Variants in CCSER1 observed in about 807,000 individuals in gnomAD.
The protein encoded by CCSER1 is coiled-coil serine rich protein 1, also known as serine-rich coiled-coil domain-containing protein 1.
CCSER1 carries 41 observed loss-of-function variants against 82.0 expected under a neutral mutation model. The ratio of observed to expected loss-of-function variants is 0.50; its 90% confidence interval spans 0.39 to 0.65. The LOEUF (loss-of-function observed/expected upper bound fraction) is 0.65, where lower values mean the gene tolerates loss of function less well. Ranked by LOEUF, CCSER1 falls within the 30% of genes least tolerant of loss-of-function variation. The pLI is 0.00. For synonymous variants in CCSER1, 414 were observed against 383.9 expected (o/e 1.08, Z -0.92); for missense variants, 1,119 against 1,064.2 (o/e 1.05, Z -0.72).
chr4:91,205,664 C>G (rs961433998), intron 10 of CCSER1, among the ~76,000 whole-genome samples: 2 of 151,348 alleles, frequency 1.3e-5, no homozygotes, highest in African/African-American at 4.8e-5. Flanking sequence ...CTCCCTCCCT[C>G]CCTCCTACCC....
At chr4:90,311,415 G>A (rs751233466) in intron 2 of CCSER1, among the ~76,000 whole-genome samples, 1 of 152,016 alleles carries the variant, frequency 6.6e-6, no homozygotes, top group African/African-American at 2.4e-5. Context: ...CATTAATTTT[G>A]CTGATTTGAT....
chr4:91,386,781 A>T (rs896542448), intron 10 of CCSER1, among the ~76,000 whole-genome samples: 2 of 152,078 alleles, frequency 1.3e-5, no homozygotes, highest in African/African-American at 2.4e-5. Context: ...GCCTTCCCAC[A>T]TATATACATG....
intron 4 of CCSER1, among the ~76,000 whole-genome samples, chr4:90,432,940 G>A (rs943542156): frequency 2.6e-5 from 4 of 151,890 alleles, no homozygotes; most frequent in African/African-American, 7.3e-5. Context: ...CCATCTCCAC[G>A]TTTGGTATGT....
intron 10 of CCSER1, among the ~76,000 whole-genome samples, chr4:91,094,093 A>G (rs1724251791): frequency 6.6e-6 from 1 of 152,162 alleles, no homozygotes; most frequent in African/African-American, 2.4e-5. Flanking sequence ...CCAGGTGTCG[A>G]AGCAGGGCAT....
At chr4:91,396,862 G>C (rs1321490886) in intron 10 of CCSER1, among the ~76,000 whole-genome samples, 2 of 151,982 alleles carry the variant, frequency 1.3e-5, no homozygotes, top group African/African-American at 4.8e-5. Flanking sequence ...GTGGAGACAA[G>C]TTAAAGCCTG....
intron 5 of CCSER1, among the ~76,000 whole-genome samples, chr4:90,585,773 A>G (rs1034646114): frequency 6.6e-6 from 1 of 152,134 alleles, no homozygotes; most frequent in Non-Finnish European, 1.5e-5. Flanking sequence ...TGATATTTCT[A>G]TACTGATATC....
intron 10 of CCSER1, among the ~76,000 whole-genome samples, chr4:91,503,338 T>C (rs1759315672): frequency 6.9e-6 from 1 of 144,292 alleles, no homozygotes; most frequent in Non-Finnish European, 1.5e-5. Context: ...CGATACTCCA[T>C]CTCAAAAAAA....
intron 1 of CCSER1, among the ~76,000 whole-genome samples, chr4:90,238,554 G>C (rs1029596126): frequency 6.6e-6 from 1 of 152,094 alleles, no homozygotes; most frequent in Admixed American, 6.6e-5. Flanking sequence ...ACCCTAAACT[G>C]TTTTCTACTG....
intron 10 of CCSER1, among the ~76,000 whole-genome samples, chr4:91,271,043 T>C (rs2149182569): frequency 6.6e-6 from 1 of 152,274 alleles, no homozygotes. Context: ...ATGAATAAGT[T>C]CTATATCTGG....
chr4:91,560,828 C>G (rs1330593493), intron 10 of CCSER1, among the ~76,000 whole-genome samples: 1 of 151,054 alleles, frequency 6.6e-6, no homozygotes, highest in Non-Finnish European at 1.5e-5. Context: ...CACGTGATAC[C>G]TAATTATAAA....
chr4:90,871,449 T>C (rs1489262692), intron 8 of CCSER1, among the ~76,000 whole-genome samples: 1 of 151,918 alleles, frequency 6.6e-6, no homozygotes, highest in African/African-American at 2.4e-5. Context: ...GCATACTGTT[T>C]AATTTCCATG....
chr4:91,028,201 C>A (rs970331205), intron 9 of CCSER1, among the ~76,000 whole-genome samples: 3 of 151,844 alleles, frequency 2.0e-5, no homozygotes, highest in Admixed American at 2.0e-4. Flanking sequence ...TTAAGATATA[C>A]AATGTATATC....
intron 8 of CCSER1, among the ~76,000 whole-genome samples, chr4:90,917,156 C>T (rs937965522): frequency 3.3e-5 from 5 of 152,154 alleles, no homozygotes; most frequent in African/African-American, 7.2e-5. Flanking sequence ...CCAGCCATCC[C>T]ATTACTGGGT....
At chr4:91,421,002 AG>A (rs1369692134) in intron 10 of CCSER1, among the ~76,000 whole-genome samples, 1 of 152,192 alleles carries the variant, frequency 6.6e-6, no homozygotes, top group Non-Finnish European at 1.5e-5. Flanking sequence ...AATCTAAAAA[AG>A]TCTAACTTAC....
intron 10 of CCSER1, among the ~76,000 whole-genome samples, chr4:91,211,753 G>T (rs557790777): frequency 2.0e-5 from 3 of 152,000 alleles, no homozygotes; most frequent in Non-Finnish European, 4.4e-5. Flanking sequence ...ATAGAATTGT[G>T]AAAGGATTAA....
intron 8 of CCSER1, among the ~76,000 whole-genome samples, chr4:90,906,940 TGC>T (rs1467102449): frequency 6.6e-6 from 1 of 152,186 alleles, no homozygotes; most frequent in African/African-American, 2.4e-5. Flanking sequence ...TTTGTATGTG[TGC>T]GTGTGCACAT....
intron 4 of CCSER1, among the ~76,000 whole-genome samples, chr4:90,459,691 C>T (rs894487054): frequency 3.3e-5 from 5 of 151,960 alleles, no homozygotes; most frequent in Admixed American, 2.0e-4. Context: ...ACTGGATTAG[C>T]GCCCACCATA....
At chr4:90,241,737 G>A (rs1746882640) in intron 1 of CCSER1, among the ~76,000 whole-genome samples, 1 of 152,144 alleles carries the variant, frequency 6.6e-6, no homozygotes, top group Non-Finnish European at 1.5e-5. Context: ...TAAATTGTTA[G>A]CAATTACATT....
intron 10 of CCSER1, among the ~76,000 whole-genome samples, chr4:91,298,817 C>G (rs1744433981): frequency 6.6e-6 from 1 of 151,928 alleles, no homozygotes; most frequent in African/African-American, 2.4e-5. Flanking sequence ...ATATTACCAG[C>G]TTTTACAAAA....
Sources: gnomAD v4.1 joint callset for allele counts (sites outside exome capture counted in the v4.1 genomes callset) on GRCh38, gnomAD v4.1.1 for gene constraint, MANE v1.5 for transcripts, NCBI Gene and HGNC (gene_info 2026-07-23, HGNC 2026-07-21) for gene names.